Variants in NOSIP observed in about 807,000 individuals in gnomAD.
NOSIP encodes nitric oxide synthase-interacting protein.
NOSIP carries 25 observed loss-of-function variants against 36.4 expected under a neutral mutation model. That is an observed-to-expected ratio of 0.69 (90% CI 0.50 to 0.96). The LOEUF is 0.96. Ranked by LOEUF, NOSIP falls within the 40% of genes least tolerant of loss-of-function variation. NOSIP has a pLI of 0.00. For missense variants in NOSIP, 370 were observed against 429.0 expected, an observed-to-expected ratio of 0.86 and a Z score of 1.21; for synonymous variants, 187 against 179.2, an observed-to-expected ratio of 1.04 and a Z score of -0.35.
At chr19:49,559,659 G>C in intron 3 of NOSIP, 1 of 471,040 alleles carries the variant, frequency 2.1e-6, no homozygotes. Context: ...GTAGGTCATG[G>C]GAAGTGTCCA....
At chr19:49,577,539 CAAAA>C (rs1182413679) in intron 1 of NOSIP, among the ~76,000 whole-genome samples, 8 of 146,052 alleles carry the variant, frequency 5.5e-5, no homozygotes, top group African/African-American at 2.0e-4. Context: ...GACTCTGTCT[CAAAA>C]AAAGAAAAAA....
chr19:49,573,432 C>G (rs1211512656), intron 1 of NOSIP, among the ~76,000 whole-genome samples: 1 of 152,146 alleles, frequency 6.6e-6, no homozygotes, highest in Non-Finnish European at 1.5e-5. Flanking sequence ...CTCGGTATTT[C>G]GGCTCCAGAG....
At chr19:49,563,210 C>G (rs1243588146) in intron 1 of NOSIP, among the ~76,000 whole-genome samples, 1 of 151,484 alleles carries the variant, frequency 6.6e-6, no homozygotes, top group Admixed American at 6.6e-5. Context: ...GGGACTCACT[C>G]TGTTGTCCAG....
chr19:49,557,204 GC>G lies in NOSIP; in HGVS notation c.303del (p.Glu101AspfsTer22), dbSNP rs763223523. ...TGGTCCTGCGAGGCCGCCCGCTGAA[GC>G]TCCTTCTGCTCCTCGCGCCGGGTGC... ...QRGTRREEQK[E>X]LQRAASQDHV... is the part of the protein sequence containing the mutation. On this transcript the variant is annotated frameshift_variant, in exon 5 of 9. Transcript: ENST00000596358. LOFTEE classifies it high-confidence loss of function. The G allele has an allele frequency of 3.7e-6, 6 of 1,602,412 alleles. No individual in the cohort carries two copies. The highest frequency in any genetic ancestry group is 5.1e-6 in the Non-Finnish European group (6 of 1,175,124).
intron 4 of NOSIP, 108 bp from the exon 5 acceptor site, chr19:49,557,357 GGC>G (rs1332111345): frequency 6.8e-7 from 1 of 1,460,286 alleles, no homozygotes; most frequent in Non-Finnish European, 9.0e-7. Context: ...CTCTGATGGA[GGC>G]ACTATGTGGC....
chr19:49,560,864 A>G lies in NOSIP; in HGVS notation c.-1-172T>C, dbSNP rs2080324532. Among the ~76,000 whole-genome samples the G allele has an allele frequency of 6.6e-6, 1 of 152,186 alleles. No homozygotes were observed. Among genetic ancestry groups the G allele is most frequent in the Admixed American group, 6.6e-5 (1 of 15,260 alleles). ...TGTGGTCGCCAGGCCTCCTCCAGGA[A>G]GTCCTCCTTCCAGACTCACCTAGAC... is the stretch of plus-strand genomic sequence containing the variant. On this transcript the variant is annotated intron_variant, in intron 1 of 8. Transcript: ENST00000596358. This position sits in a 1 kb window ranked among gnomAD's most constrained non-coding sequence, Gnocchi z 4.6.
At position 49,571,137 on chromosome 19, in the gene NOSIP, ATTTTTT is replaced by A. The variant is rs60637720; in HGVS notation, c.-2+9372_-2+9377del. 5.0e-4 allele frequency among the ~76,000 whole-genome samples: 66 copies of A among 131,346 alleles called. 1 individual carries two copies. Among genetic ancestry groups the A allele is most frequent in the African/African-American group, 1.8e-3 (63 of 34,962 alleles). The allele number at this position is 131,346 out of a possible 152,430, so 86.2% of individuals were successfully genotyped here. Reference sequence around the variant, plus strand: ...GATAACAGGCGCCCACGCCCAGCTAATTTTTTTTTTTTTTTTTTTGTATTTTTTAGT... The same window carrying A: ...GATAACAGGCGCCCACGCCCAGCTAATTTTTTTTTTTTTGTATTTTTTAGT... On this transcript the variant is annotated intron_variant, in intron 1 of 8. Transcript: ENST00000596358.
intron 4 of NOSIP, chr19:49,557,911 G>C: frequency 1.0e-6 from 1 of 987,542 alleles, no homozygotes; most frequent in South Asian, 4.7e-5. Flanking sequence ...ATGACCACCA[G>C]GCTGTGTGGA....
chr19:49,555,749 ACT>A lies in NOSIP; in HGVS notation c.906_*1del, dbSNP rs765202305. ...CCGGTTTATTTGGTCTCCCGCACACACTCAGGCCTGCATCACCGGCCGTGATT... is the reference window on the plus strand; with the variant it reads ...CCGGTTTATTTGGTCTCCCGCACACACAGGCCTGCATCACCGGCCGTGATT... On this transcript the variant is annotated stop_lost and 3_prime_UTR_variant, in exon 9 of 9. Transcript: ENST00000596358. 6.2e-7 allele frequency: 1 copy of A among 1,612,820 alleles called. No homozygotes were observed. Among genetic ancestry groups the A allele is most frequent in the South Asian group, 1.1e-5 (1 of 91,052 alleles).
chr19:49,555,680 C>G lies in NOSIP; in HGVS notation c.*71G>C, dbSNP rs1199624335. ...ATCCTCGCCTGCCCTGTCCCCGGGG[C>G]GCCCACGCCGCGAATGAAGGCGCCA... On this transcript the variant is annotated 3_prime_UTR_variant, in exon 9 of 9. Transcript: ENST00000596358. The G allele has an allele frequency of 2.0e-5, 26 of 1,323,434 alleles. No individual in the cohort carries two copies. In the Admixed American group the frequency reaches 4.5e-4, roughly 23 times the overall value. 82.0% of individuals were successfully genotyped at this position (1,323,434 alleles called of 1,614,324 possible). A position where few individuals can be genotyped will look rare whatever the true frequency, so the allele number is the denominator to read the frequency against.
intron 1 of NOSIP, among the ~76,000 whole-genome samples, chr19:49,570,106 A>AAAAG (rs1201467821): frequency 4.4e-5 from 5 of 114,282 alleles, no homozygotes; most frequent in African/African-American, 2.6e-4. Context: ...CTCATCTCAA[A>AAAAG]AAATAAAGAA....
At chr19:49,563,505 T>G (rs547599009) in intron 1 of NOSIP, among the ~76,000 whole-genome samples, 122 of 151,074 alleles carry the variant, frequency 8.1e-4, no homozygotes, top group African/African-American at 2.9e-3. Context: ...TCTTTTTTTT[T>G]TTTTTGAGAT....
chr19:49,574,685 A>G (rs1193176353), intron 1 of NOSIP, among the ~76,000 whole-genome samples: 2 of 152,022 alleles, frequency 1.3e-5, no homozygotes, highest in Admixed American at 1.3e-4. Context: ...GCAGATGGCT[A>G]TCTTCAGTGG....
chr19:49,555,521 A>G lies in NOSIP; in HGVS notation c.*230T>C, dbSNP rs559456339. On this transcript the variant is annotated 3_prime_UTR_variant, in exon 9 of 9. Transcript: ENST00000596358. Reference sequence around the variant, plus strand: ...TGATACGCTAGCCTCGGCCTCCGAAAGTGCTGGGATTACAGGCGTGAGCCA... The same window carrying G: ...TGATACGCTAGCCTCGGCCTCCGAAGGTGCTGGGATTACAGGCGTGAGCCA... Among the ~76,000 whole-genome samples the G allele has an allele frequency of 1.9e-3, 286 of 152,262 alleles. No homozygotes were observed. Among genetic ancestry groups the G allele is most frequent in the Non-Finnish European group, 3.3e-3 (225 of 68,012 alleles).
At chr19:49,567,336 T>C (rs1382119512) in intron 1 of NOSIP, among the ~76,000 whole-genome samples, 1 of 149,982 alleles carries the variant, frequency 6.7e-6, no homozygotes, top group Non-Finnish European at 1.5e-5. Context: ...TTAGCCAGGA[T>C]GGTCTCGATC....
intron 1 of NOSIP, among the ~76,000 whole-genome samples, chr19:49,567,282 C>T (rs899814195): frequency 1.3e-5 from 2 of 151,814 alleles, no homozygotes; most frequent in Admixed American, 6.6e-5. Context: ...GCCACCACAC[C>T]GTATAATTTT....
chr19:49,561,312 C>A (rs2080331435), intron 1 of NOSIP, among the ~76,000 whole-genome samples: 1 of 152,162 alleles, frequency 6.6e-6, no homozygotes, highest in Non-Finnish European at 1.5e-5. Flanking sequence ...TACCTCCACT[C>A]CCACTGCAGG....
Position 49,558,935 on chromosome 19 carries a change from T to C in NOSIP, c.220A>G (p.Ile74Val), listed in dbSNP as rs2080293484. 2.5e-6 allele frequency: 4 copies of C among 1,614,082 alleles called. No homozygotes were observed. The East Asian group carries it at 8.9e-5, about 36-fold the overall frequency. ...GCAATCTCCTTCTTCTGGTGCAGAA[T>C]GTACTCCAGGATGGCCTCACGCTCA... is the stretch of plus-strand genomic sequence containing the variant. Reference protein sequence around the residue: ...LYEREAILEYILHQKKEIARQ... With the variant: ...LYEREAILEYVLHQKKEIARQ... Residue 74 changes from isoleucine (I) to valine (V), a missense_variant, in exon 4 of 9, where the codon ATT becomes GTT. Transcript: ENST00000596358.
intron 1 of NOSIP, among the ~76,000 whole-genome samples, chr19:49,569,918 C>A (rs2080463172): frequency 6.6e-6 from 1 of 152,024 alleles, no homozygotes; most frequent in South Asian, 2.1e-4. Context: ...TCAAGACCAG[C>A]CTGGTCAACA....
Sources: allele counts gnomAD v4.1 joint callset (sites outside exome capture counted in the v4.1 genomes callset), GRCh38; gene constraint gnomAD v4.1.1; non-coding constraint Gnocchi (gnomAD v3.1); transcripts MANE v1.5; gene names NCBI Gene and HGNC (gene_info 2026-07-23, HGNC 2026-07-21).